Variants in NRG3 observed in about 807,000 individuals in gnomAD.
The protein encoded by NRG3 is pro-neuregulin-3, membrane-bound isoform.
A neutral mutation model predicts 66.9 loss-of-function variants in NRG3; 31 were observed. That is an observed-to-expected ratio of 0.46 (90% CI 0.35 to 0.63). The LOEUF (loss-of-function observed/expected upper bound fraction) is 0.63, where lower values mean the gene tolerates loss of function less well. Ranked by LOEUF, NRG3 falls within the 20% of genes least tolerant of loss-of-function variation. NRG3 has a pLI of 0.00. For missense variants in NRG3, 910 were observed against 878.9 expected (o/e 1.04, Z -0.45); for synonymous variants, 393 against 359.4 (o/e 1.09, Z -1.06).
At chr10:82,866,647 G>A (rs1413065794) in intron 4 of NRG3, among the ~76,000 whole-genome samples, 1 of 152,136 alleles carries the variant, frequency 6.6e-6, no homozygotes, top group African/African-American at 2.4e-5. Flanking sequence ...AATGAAGCGC[G>A]ATGGAATGTG....
intron 1 of NRG3, among the ~76,000 whole-genome samples, chr10:82,346,951 T>C (rs2135454200): frequency 6.6e-6 from 1 of 152,280 alleles, no homozygotes; most frequent in African/African-American, 2.4e-5. Flanking sequence ...TTGATTCTTC[T>C]CTCTTTTTTT....
chr10:82,801,339 T>C (rs1186582502), intron 3 of NRG3, among the ~76,000 whole-genome samples: 1 of 152,180 alleles, frequency 6.6e-6, no homozygotes, highest in Non-Finnish European at 1.5e-5. Flanking sequence ...TGAAAACTTA[T>C]AGTTGAAGTG....
chr10:82,125,626 CTATTA>C lies in NRG3; in HGVS notation c.824-233110_824-233106del, dbSNP rs770760172. ...AAATGTATATTTTTAGTCTTGACTT[CTATTA>C]TAAGGCACAGACTCCTATATCAAAT... On this transcript the variant is annotated intron_variant, in intron 1 of 8. Transcript: ENST00000372141. Among the ~76,000 whole-genome samples the C allele has an allele frequency of 1.8e-4, 28 of 151,932 alleles. 1 individual carries two copies. Among genetic ancestry groups the C allele is most frequent in the Non-Finnish European group, 3.4e-4 (23 of 67,936 alleles).
chr10:82,740,196 CCTTCCTCT>C (rs747056594), intron 3 of NRG3, among the ~76,000 whole-genome samples: 35 of 151,398 alleles, frequency 2.3e-4, no homozygotes, highest in Non-Finnish European at 4.0e-4. Context: ...TCCCTTCCTC[CCTTCCTCT>C]CTTCCTTTCT....
At chr10:81,962,249 C>G (rs760507157) in intron 1 of NRG3, among the ~76,000 whole-genome samples, 13 of 152,100 alleles carry the variant, frequency 8.5e-5, no homozygotes, top group Non-Finnish European at 1.2e-4. Context: ...AGCTTAATAC[C>G]CACTTCATTG....
chr10:82,393,658 T>C (rs2086535259), intron 2 of NRG3, among the ~76,000 whole-genome samples: 1 of 152,170 alleles, frequency 6.6e-6, no homozygotes, highest in Admixed American at 6.6e-5. Context: ...GAAACATAAG[T>C]GAGTCAGCTG....
At chr10:82,100,153 A>T (rs893377763) in intron 1 of NRG3, among the ~76,000 whole-genome samples, 1 of 152,114 alleles carries the variant, frequency 6.6e-6, no homozygotes, top group African/African-American at 2.4e-5. Context: ...ATTCAATTTT[A>T]ATGGAATAGT....
chr10:82,507,832 A>G (rs1459591783), intron 2 of NRG3, among the ~76,000 whole-genome samples: 1 of 152,228 alleles, frequency 6.6e-6, no homozygotes, highest in Non-Finnish European at 1.5e-5. Flanking sequence ...GAATTAATCA[A>G]TTTATTTATT....
intron 2 of NRG3, among the ~76,000 whole-genome samples, chr10:82,619,394 C>G (rs1159603206): frequency 6.6e-6 from 1 of 152,100 alleles, no homozygotes. Context: ...TTCTTCTGAT[C>G]TTTATGTTCC....
chr10:82,699,680 C>T (rs2055698601), intron 2 of NRG3, among the ~76,000 whole-genome samples: 1 of 152,196 alleles, frequency 6.6e-6, no homozygotes, highest in Non-Finnish European at 1.5e-5. Context: ...TGCAGAGAGA[C>T]TGTCTCTCTT....
chr10:82,640,439 T>C (rs2050492007), intron 2 of NRG3, among the ~76,000 whole-genome samples: 1 of 152,198 alleles, frequency 6.6e-6, no homozygotes, highest in Admixed American at 6.5e-5. Context: ...TTGGACTGCC[T>C]GGTAACATTT....
intron 1 of NRG3, among the ~76,000 whole-genome samples, chr10:81,924,967 A>G (rs1020851530): frequency 3.3e-5 from 5 of 152,244 alleles, no homozygotes; most frequent in Middle Eastern, 3.4e-3. Flanking sequence ...GGGAATAATT[A>G]AATATGCTTT....
At chr10:82,216,796 T>C (rs1013103248) in intron 1 of NRG3, among the ~76,000 whole-genome samples, 2 of 152,162 alleles carry the variant, frequency 1.3e-5, no homozygotes, top group Middle Eastern at 3.2e-3. Context: ...TTTACCAGTA[T>C]TATTGTGTTT....
intron 2 of NRG3, among the ~76,000 whole-genome samples, chr10:82,651,838 G>A (rs1435469802): frequency 6.6e-6 from 1 of 152,164 alleles, no homozygotes; most frequent in African/African-American, 2.4e-5. Flanking sequence ...AACCTGCTCA[G>A]TCCCAGTCAA....
intron 4 of NRG3, among the ~76,000 whole-genome samples, chr10:82,888,284 C>A (rs1294556750): frequency 6.6e-6 from 1 of 152,108 alleles, no homozygotes; most frequent in Non-Finnish European, 1.5e-5. Flanking sequence ...ACATAGCAAA[C>A]ATTAAAAATA....
chr10:82,384,650 G>A (rs1053859337), intron 2 of NRG3, among the ~76,000 whole-genome samples: 1 of 152,116 alleles, frequency 6.6e-6, no homozygotes, highest in Non-Finnish European at 1.5e-5. Flanking sequence ...TGGTGTATAT[G>A]TGCCACATTT....
At chr10:82,199,510 G>C (rs1348673890) in intron 1 of NRG3, among the ~76,000 whole-genome samples, 1 of 152,168 alleles carries the variant, frequency 6.6e-6, no homozygotes, top group East Asian at 1.9e-4. Context: ...AAACTGATCT[G>C]TTAATACACC....
chr10:82,749,711 C>A (rs979850803), intron 3 of NRG3, among the ~76,000 whole-genome samples: 1 of 149,666 alleles, frequency 6.7e-6, no homozygotes, highest in African/African-American at 2.5e-5. Context: ...TGGGGACAGT[C>A]TTTTGTGAGT....
intron 1 of NRG3, among the ~76,000 whole-genome samples, chr10:82,040,278 A>G (rs568400239): frequency 2.0e-3 from 310 of 152,206 alleles, no homozygotes; most frequent in Non-Finnish European, 3.5e-3. Context: ...TCAAACATAT[A>G]TATACATCCA....
Sources: allele counts gnomAD v4.1 joint callset (sites outside exome capture counted in the v4.1 genomes callset), GRCh38; gene constraint gnomAD v4.1.1; transcripts MANE v1.5; gene names NCBI Gene and HGNC (gene_info 2026-07-23, HGNC 2026-07-21).